CYP2J2: variants seen among roughly 807,000 people sequenced by gnomAD.
CYP2J2 encodes the protein cytochrome P450 family 2 subfamily J member 2.
In CYP2J2, 41 loss-of-function variants were observed where a neutral mutation model predicts 48.8. The observed-to-expected ratio is 0.84, with a 90% CI of 0.66 to 1.09. The LOEUF (loss-of-function observed/expected upper bound fraction) is 1.09, where lower values mean the gene tolerates loss of function less well. Ranked by LOEUF, CYP2J2 falls within the 50% of genes least tolerant of loss-of-function variation. CYP2J2 has a pLI of 0.00. For missense variants in CYP2J2, 644 were observed against 617.3 expected (o/e 1.04, Z -0.46); for synonymous variants, 221 against 227.1 (o/e 0.97, Z 0.24).
At chr1:59,894,642 G>A (rs1373356493) in intron 8 of CYP2J2, among the ~76,000 whole-genome samples, 1 of 152,190 alleles carries the variant, frequency 6.6e-6, no homozygotes, top group Non-Finnish European at 1.5e-5. Flanking sequence ...TAGTGAAAAC[G>A]AATATGTGTT....
intron 6 of CYP2J2, 111 bp downstream of exon 6, chr1:59,907,675 T>G: frequency 8.3e-7 from 1 of 1,199,754 alleles, no homozygotes; most frequent in Non-Finnish European, 1.2e-6. Flanking sequence ...CTCATGACTG[T>G]TCTGCCTCTC....
At chr1:59,935,026 A>ATATATATATATATATATATACATATATC in the CYP2J2 span, among the ~76,000 whole-genome samples, 1 of 92,574 alleles carries the variant, frequency 1.1e-5, no homozygotes, top group Non-Finnish European at 2.4e-5. Flanking sequence ...ATATATATAT[A>ATATATATATATATATATATACATATATC]TATATATATA....
intron 6 of CYP2J2, among the ~76,000 whole-genome samples, chr1:59,907,017 C>G (rs943216812): frequency 6.6e-6 from 1 of 152,114 alleles, no homozygotes; most frequent in Non-Finnish European, 1.5e-5. Context: ...CCCATATGTT[C>G]AAACTTTTCT....
At chr1:59,897,805 T>A (rs1644282571) in intron 8 of CYP2J2, among the ~76,000 whole-genome samples, 1 of 152,202 alleles carries the variant, frequency 6.6e-6, no homozygotes, top group Non-Finnish European at 1.5e-5. Flanking sequence ...TTATGCACAC[T>A]TTAGAAGCTG....
intron 4 of CYP2J2, 67 bp downstream of exon 4, chr1:59,911,541 A>C (rs1644413837): frequency 8.3e-7 from 1 of 1,205,604 alleles, no homozygotes; most frequent in South Asian, 2.3e-5. Context: ...CTAAAAGGAA[A>C]AACCCATCTG....
At chr1:59,902,478 G>C (rs1176199132) in intron 7 of CYP2J2, among the ~76,000 whole-genome samples, 2 of 151,810 alleles carry the variant, frequency 1.3e-5, no homozygotes, top group East Asian at 1.9e-4. Flanking sequence ...CTGGAGTGCA[G>C]TGTGTCGGCT....
chr1:59,917,237 C>T (rs1236167303), intron 1 of CYP2J2, among the ~76,000 whole-genome samples: 4 of 152,136 alleles, frequency 2.6e-5, no homozygotes, highest in African/African-American at 7.2e-5. Context: ...AGCCACCCAG[C>T]GAGTCTCCGA....
chr1:59,951,931 C>G, the CYP2J2 span, among the ~76,000 whole-genome samples: 1 of 152,214 alleles, frequency 6.6e-6, no homozygotes, highest in African/African-American at 2.4e-5. Flanking sequence ...CACTTCCCAT[C>G]TCTGTCATCG....
At chr1:59,916,404 C>T (rs1337896235) in intron 1 of CYP2J2, among the ~76,000 whole-genome samples, 1 of 152,046 alleles carries the variant, frequency 6.6e-6, no homozygotes, top group Non-Finnish European at 1.5e-5. Flanking sequence ...ATCATGTGTC[C>T]CTAGAGCAAG....
chr1:59,959,116 C>T, the CYP2J2 span, among the ~76,000 whole-genome samples: 1 of 152,150 alleles, frequency 6.6e-6, no homozygotes, highest in Non-Finnish European at 1.5e-5. Context: ...TGCAATTAGG[C>T]CCCTTGTCCT....
intron 5 of CYP2J2, 70 bp downstream of exon 5, chr1:59,909,714 G>T: frequency 8.9e-7 from 1 of 1,124,948 alleles, no homozygotes. Flanking sequence ...TTTTACAGCA[G>T]CAGTTGGAAA....
Position 59,893,531 on chromosome 1 carries a change from C to A in CYP2J2, c.*120G>T. ...GATCTAGTTTTCTCTGAGTCAAATTCCTCTGATCTTTCTTGAAAGTCACTT... is the reference window on the plus strand; with the variant it reads ...GATCTAGTTTTCTCTGAGTCAAATTACTCTGATCTTTCTTGAAAGTCACTT... On this transcript the variant is annotated 3_prime_UTR_variant, in exon 9 of 9. Coordinates refer to ENST00000371204, the MANE Select transcript of CYP2J2 (RefSeq NM_000775.4). 1 of 726,098 alleles carries A rather than the reference C, an allele frequency of 1.4e-6. No homozygotes were observed. Among genetic ancestry groups the A allele is most frequent in the Non-Finnish European group, 2.1e-6 (1 of 469,748 alleles). The allele number at this position is 726,098 out of a possible 1,614,324, so 45.0% of individuals were successfully genotyped here.
the CYP2J2 span, among the ~76,000 whole-genome samples, chr1:59,937,885 C>T: frequency 3.3e-5 from 5 of 152,002 alleles, no homozygotes; most frequent in Non-Finnish European, 7.4e-5. Context: ...ATGTCAATTA[C>T]ATTTTTCAGC....
At chr1:59,958,866 T>C in the CYP2J2 span, among the ~76,000 whole-genome samples, 1 of 152,172 alleles carries the variant, frequency 6.6e-6, no homozygotes, top group Non-Finnish European at 1.5e-5. Context: ...GTTTTTAGTA[T>C]CCCATTCTCC....
chr1:59,900,461 C>T (rs182405364), intron 8 of CYP2J2, among the ~76,000 whole-genome samples: 12 of 152,220 alleles, frequency 7.9e-5, no homozygotes, highest in African/African-American at 2.6e-4. Flanking sequence ...GGTGAAACCT[C>T]GTCTCTACTA....
chr1:59,896,161 G>A (rs1189578959), intron 8 of CYP2J2, among the ~76,000 whole-genome samples: 1 of 151,966 alleles, frequency 6.6e-6, no homozygotes, highest in African/African-American at 2.4e-5. Flanking sequence ...ATAATATGTA[G>A]AAATCAAGAT....
chr1:59,958,683 T>C, the CYP2J2 span, among the ~76,000 whole-genome samples: 42 of 152,174 alleles, frequency 2.8e-4, no homozygotes, highest in Non-Finnish European at 5.4e-4. Flanking sequence ...CTTTTCATCA[T>C]TCTTAACCAC....
the CYP2J2 span, among the ~76,000 whole-genome samples, chr1:59,956,587 C>T: frequency 2.6e-5 from 4 of 152,042 alleles, no homozygotes; most frequent in South Asian, 4.1e-4. Context: ...TGGTGTGATA[C>T]AGTGCACAAG....
the CYP2J2 span, among the ~76,000 whole-genome samples, chr1:59,935,026 A>ATATATATATATATATATATACG: frequency 1.1e-5 from 1 of 92,574 alleles, no homozygotes; most frequent in Non-Finnish European, 2.4e-5. Context: ...ATATATATAT[A>ATATATATATATATATATATACG]TATATATATA....
Sources: gnomAD v4.1 joint callset for allele counts (sites outside exome capture counted in the v4.1 genomes callset) on GRCh38, gnomAD v4.1.1 for gene constraint, MANE v1.5 for transcripts, NCBI Gene and HGNC (gene_info 2026-07-23, HGNC 2026-07-21) for gene names.